The following CR1L variants were observed in gnomAD, a reference collection of about 807,000 sequenced individuals.
The protein encoded by CR1L is complement C3b/C4b receptor 1 like, also known as complement component receptor 1-like protein.
In CR1L, 59 loss-of-function variants were observed where a neutral mutation model predicts 62.3. The observed-to-expected ratio is 0.95, with a 90% CI of 0.77 to 1.18. The LOEUF (loss-of-function observed/expected upper bound fraction) is 1.18. Ranked by LOEUF, CR1L falls within the 50% of genes most tolerant of loss-of-function variation. CR1L has a pLI of 0.00. For missense variants in CR1L, 700 were observed against 702.8 expected (o/e 1.00, Z 0.04); for synonymous variants, 279 against 248.7 (o/e 1.12, Z -1.15).
chr1:207,703,445 A>C (rs1233513183), intron 9 of CR1L, among the ~76,000 whole-genome samples: 3 of 152,244 alleles, frequency 2.0e-5, no homozygotes, highest in Admixed American at 1.3e-4. Flanking sequence ...GTATGTTTGC[A>C]GCATGGTTTA....
At chr1:207,676,239 A>G (rs1237823940) in intron 1 of CR1L, among the ~76,000 whole-genome samples, 1 of 152,046 alleles carries the variant, frequency 6.6e-6, no homozygotes, top group South Asian at 2.1e-4. Context: ...TTTTAAATGG[A>G]TGGATGCTGA....
At chr1:207,649,815 C>T (rs548935140) in intron 1 of CR1L, among the ~76,000 whole-genome samples, 78 of 152,268 alleles carry the variant, frequency 5.1e-4, no homozygotes, top group Middle Eastern at 3.4e-3. Context: ...ACCTTGATTA[C>T]TCTGTCATAT....
chr1:207,669,429 G>C (rs1663574970), intron 1 of CR1L: 2 of 1,286,238 alleles, frequency 1.6e-6, no homozygotes, highest in Admixed American at 3.4e-5. Context: ...CTGGTTTGTA[G>C]ATGTGCTTCG....
intron 1 of CR1L, chr1:207,669,450 G>C: frequency 7.2e-7 from 1 of 1,387,326 alleles, no homozygotes; most frequent in Non-Finnish European, 1.0e-6. Flanking sequence ...GGAGGATGGG[G>C]GTCTCTTCTC....
chr1:207,665,007 T>G (rs7515149), intron 1 of CR1L, among the ~76,000 whole-genome samples: 61,951 of 152,178 alleles, frequency 0.41, 12,901 homozygotes, highest in African/African-American at 0.48. Flanking sequence ...ATTTATTACT[T>G]GTTATCTTCT....
Position 207,697,638 on chromosome 1 carries a change from C to T in CR1L, c.998C>T (p.Thr333Ile). The change falls in exon 6 of 12, where the codon ACA becomes ATA. Residue 333 changes from threonine to isoleucine, a missense_variant. Coordinates refer to ENST00000508064, the MANE Select transcript of CR1L (RefSeq NM_175710.2). ...DLRGSTYLHC[T>I]PQGDWSPAAP... ...AGAGGATCTACGTATTTGCACTGCA[C>T]ACCCCAGGGAGACTGGAGCCCTGCA... The T allele has an allele frequency of 6.2e-7, 1 of 1,614,010 alleles. No homozygotes were observed. The highest frequency in any genetic ancestry group is 8.5e-7 in the Non-Finnish European group (1 of 1,179,880).
At chr1:207,700,518 C>T (rs1176611986) in intron 8 of CR1L, among the ~76,000 whole-genome samples, 1 of 152,094 alleles carries the variant, frequency 6.6e-6, no homozygotes, top group Non-Finnish European at 1.5e-5. Context: ...TGAAACCTGA[C>T]CCAGAAAGTA....
intron 9 of CR1L, among the ~76,000 whole-genome samples, chr1:207,702,298 G>T (rs1307076517): frequency 6.6e-6 from 1 of 152,146 alleles, no homozygotes; most frequent in Admixed American, 6.5e-5. Flanking sequence ...CTTAATAAAT[G>T]TGCATGCTTT....
chr1:207,680,477 G>T (rs566909830), intron 3 of CR1L, among the ~76,000 whole-genome samples: 2 of 152,178 alleles, frequency 1.3e-5, no homozygotes, highest in South Asian at 4.1e-4. Context: ...TGAGTAAAGT[G>T]TACCTGGGAT....
rs574882861 is a variant in CR1L at position 207,647,896 on chromosome 1, C to T, written c.97+2566C>T. ...GGGAGCAGTGGTGTTAAGAAGAAAA[C>T]GAAAGGACTTTTTTTTCTTTTTAAA... On this transcript the variant is annotated intron_variant, in intron 1 of 11. Coordinates refer to ENST00000508064, the MANE Select transcript of CR1L (RefSeq NM_175710.2). Among the ~76,000 whole-genome samples the T allele has an allele frequency of 9.9e-5, 15 of 152,158 alleles. No homozygotes were observed. The East Asian group carries it at 2.5e-3, about 25-fold the overall frequency.
intron 4 of CR1L, among the ~76,000 whole-genome samples, chr1:207,692,376 G>C (rs1317650100): frequency 6.6e-6 from 1 of 152,166 alleles, no homozygotes. Context: ...GCAGGGCTTA[G>C]TCACCCTTAA....
intron 10 of CR1L, chr1:207,710,443 G>C (rs1664335671): frequency 6.3e-7 from 1 of 1,586,860 alleles, no homozygotes; most frequent in Non-Finnish European, 8.6e-7. Context: ...CCGACAGAGA[G>C]TATTTTCACT....
chr1:207,664,503 T>A (rs1366297455), intron 1 of CR1L, among the ~76,000 whole-genome samples: 2 of 152,194 alleles, frequency 1.3e-5, no homozygotes, highest in Non-Finnish European at 2.9e-5. Flanking sequence ...AAGAGATGGT[T>A]TTTTTAGTGG....
Position 207,677,487 on chromosome 1 carries a change from C to T in CR1L, c.196C>T (p.Arg66Cys), listed in dbSNP as rs1305199861. The change falls in exon 2 of 12, where the codon CGC becomes TGC. Residue 66 changes from arginine (R) to cysteine (C), a missense_variant. Physicochemically the swap from Arg to Cys is radical, Grantham distance 180. Coordinates refer to ENST00000508064, the MANE Select transcript of CR1L (RefSeq NM_175710.2). ...PIGTYLNYEC[R>C]PGYSGRPFSI... ...TGGGACATATCTGAACTATGAATGC[C>T]GCCCTGGTTATTCCGGAAGACCGTT... The T allele has an allele frequency of 8.1e-6, 13 of 1,613,716 alleles. No individual in the cohort carries two copies. Among genetic ancestry groups the T allele is most frequent in the African/African-American group, 4.0e-5 (3 of 74,838 alleles).
intron 1 of CR1L, among the ~76,000 whole-genome samples, chr1:207,660,740 G>T (rs9730484): frequency 0.018 from 2,742 of 152,214 alleles, 72 homozygotes; most frequent in African/African-American, 0.061. Flanking sequence ...TGATGTTAGG[G>T]TGTCAATTTT....
At chr1:207,666,414 C>A (rs1663524436) in intron 1 of CR1L, among the ~76,000 whole-genome samples, 1 of 152,334 alleles carries the variant, frequency 6.6e-6, no homozygotes, top group South Asian at 2.1e-4. Context: ...AAGAACCCCT[C>A]ATGACTATTC....
At chr1:207,720,002 T>G (rs549845446) in intron 11 of CR1L, among the ~76,000 whole-genome samples, 9 of 152,154 alleles carry the variant, frequency 5.9e-5, no homozygotes, top group Middle Eastern at 3.2e-3. Context: ...CATAATGAAA[T>G]GGAAAGCTAT....
chr1:207,656,643 G>A (rs1367028811), intron 1 of CR1L, among the ~76,000 whole-genome samples: 2 of 152,158 alleles, frequency 1.3e-5, no homozygotes, highest in South Asian at 4.1e-4. Flanking sequence ...AAAGGCAAAG[G>A]GGGAGCAAGG....
intron 3 of CR1L, among the ~76,000 whole-genome samples, chr1:207,681,936 A>G (rs1458876555): frequency 6.6e-6 from 1 of 151,778 alleles, no homozygotes; most frequent in African/African-American, 2.4e-5. Flanking sequence ...GAGAAGTGGG[A>G]ATTGAACAAT....
Sources: allele counts gnomAD v4.1 joint callset (sites outside exome capture counted in the v4.1 genomes callset), GRCh38; gene constraint gnomAD v4.1.1; transcripts MANE v1.5; gene names NCBI Gene and HGNC (gene_info 2026-07-23, HGNC 2026-07-21).